MOB1B: variants seen among roughly 807,000 people sequenced by gnomAD.
MOB1B encodes MOB kinase activator 1B, also known as MOB1 Mps One Binder homolog B.
A neutral mutation model predicts 24.4 loss-of-function variants in MOB1B; 19 were observed. That is an observed-to-expected ratio of 0.78 (90% CI 0.54 to 1.14). The LOEUF is 1.14. Among genes scored for constraint, MOB1B ranks in the 50% most tolerant of loss-of-function variants. The pLI, the probability that MOB1B is intolerant of heterozygous loss-of-function variation, is 0.00. For synonymous variants in MOB1B, 76 were observed against 82.1 expected (o/e 0.93, Z 0.40); for missense variants, 243 against 259.6 (o/e 0.94, Z 0.44).
intron 1 of MOB1B, chr4:70,942,776 C>A: frequency 1.4e-6 from 1 of 690,112 alleles, no homozygotes; most frequent in Non-Finnish European, 1.8e-6. Flanking sequence ...AGGTTTTAGC[C>A]CCTCCCTGAA....
At chr4:70,950,171 C>T (rs991880878) in intron 1 of MOB1B, among the ~76,000 whole-genome samples, 2 of 151,984 alleles carry the variant, frequency 1.3e-5, no homozygotes, top group African/African-American at 4.8e-5. Context: ...TGCTGTGGCT[C>T]ACGCCTGTAA....
intron 5 of MOB1B, among the ~76,000 whole-genome samples, chr4:70,980,504 A>G (rs887122315): frequency 1.3e-5 from 2 of 152,172 alleles, no homozygotes. Context: ...ATCTCAGGAC[A>G]CTGTGAGCTT....
chr4:70,935,836 C>T (rs1737060551), intron 1 of MOB1B, among the ~76,000 whole-genome samples: 1 of 143,038 alleles, frequency 7.0e-6, no homozygotes, highest in African/African-American at 2.6e-5. Flanking sequence ...ACCACCATGC[C>T]TGGTACACTA....
chr4:70,976,634 A>C (rs1739007789), intron 4 of MOB1B: 1 of 980,016 alleles, frequency 1.0e-6, no homozygotes, highest in African/African-American at 1.8e-5. Context: ...TTTTTTTGAA[A>C]AAAAAATGTG....
chr4:70,912,922 G>A (rs758877196), intron 1 of MOB1B, among the ~76,000 whole-genome samples: 2 of 152,034 alleles, frequency 1.3e-5, no homozygotes, highest in African/African-American at 2.4e-5. Context: ...TACCACACCC[G>A]GCTAATCATT....
intron 1 of MOB1B, among the ~76,000 whole-genome samples, chr4:70,927,776 C>G (rs1456458143): frequency 6.6e-6 from 1 of 151,996 alleles, no homozygotes; most frequent in African/African-American, 2.4e-5. Flanking sequence ...TCGGTGCACT[C>G]GCTTCCTGTA....
chr4:70,926,653 T>C (rs1323260801), intron 1 of MOB1B, among the ~76,000 whole-genome samples: 1 of 152,126 alleles, frequency 6.6e-6, no homozygotes, highest in Non-Finnish European at 1.5e-5. Context: ...ACCTCCTGTG[T>C]GTAAAAGCGA....
rs940360397 is a variant in MOB1B, at chr4:70,957,278, A to C, written c.15-1596A>C. On this transcript the variant is annotated intron_variant, in intron 1 of 5. Coordinates refer to ENST00000309395, the MANE Select transcript of MOB1B (RefSeq NM_173468.4). ...ATGTCTCAAAAAAAAAAAAAAAAAA[A>C]CAGAAAAAAAAAAGTTCCCACTTCT... 1.0e-4 allele frequency among the ~76,000 whole-genome samples: 15 copies of C among 148,174 alleles called. 1 individual carries two copies. The highest frequency in any genetic ancestry group is 8.4e-4 in the South Asian group (4 of 4,738).
intron 1 of MOB1B, among the ~76,000 whole-genome samples, chr4:70,908,282 C>A (rs1210203288): frequency 6.7e-6 from 1 of 149,810 alleles, no homozygotes; most frequent in Non-Finnish European, 1.5e-5. Context: ...CCTGCCTCGG[C>A]CTCCCAAAGT....
intron 1 of MOB1B, among the ~76,000 whole-genome samples, chr4:70,944,043 A>G (rs549730298): frequency 1.1e-4 from 16 of 152,266 alleles, no homozygotes; most frequent in African/African-American, 3.8e-4. Flanking sequence ...CAACTGCTAG[A>G]TATCTGTAAT....
At chr4:70,935,479 C>T (rs962652099) in intron 1 of MOB1B, among the ~76,000 whole-genome samples, 3 of 152,262 alleles carry the variant, frequency 2.0e-5, no homozygotes, top group African/African-American at 7.2e-5. Context: ...TCTGAAGTCT[C>T]GCCTGTGGAG....
chr4:70,973,673 T>A (rs996638126), intron 3 of MOB1B, among the ~76,000 whole-genome samples: 4 of 152,094 alleles, frequency 2.6e-5, no homozygotes, highest in African/African-American at 9.7e-5. Flanking sequence ...TCAAGAGGTG[T>A]TGGAAAGTAA....
chr4:70,929,579 C>T (rs1257847528), intron 1 of MOB1B, among the ~76,000 whole-genome samples: 1 of 151,990 alleles, frequency 6.6e-6, no homozygotes, highest in African/African-American at 2.4e-5. Flanking sequence ...CTCCTGGGCT[C>T]AGATGATCCT....
rs186213750 is a variant in MOB1B at position 70,987,282 on chromosome 4, A to G, written c.*5225A>G. On this transcript the variant is annotated 3_prime_UTR_variant, in exon 6 of 6. Transcript: ENST00000309395. ...AAATTTCAATATTTAATTTCTCTATATATTATTAATATTAAATTGTTTTTT... is the reference window on the plus strand; with the variant it reads ...AAATTTCAATATTTAATTTCTCTATGTATTATTAATATTAAATTGTTTTTT... 2 of 151,944 alleles carry G rather than the reference A, an allele frequency of 1.3e-5. No homozygotes were observed. Among genetic ancestry groups the G allele is most frequent in the Admixed American group, 6.5e-5 (1 of 15,288 alleles). 9.4% of individuals were successfully genotyped at this position (151,944 alleles called of 1,614,324 possible). A position where few individuals can be genotyped will look rare whatever the true frequency, so the allele number is the denominator to read the frequency against.
intron 1 of MOB1B, among the ~76,000 whole-genome samples, chr4:70,931,023 A>C (rs971720099): frequency 9.0e-5 from 7 of 78,194 alleles, no homozygotes; most frequent in African/African-American, 3.7e-4. Flanking sequence ...CCCAGGTTTG[A>C]TTGCATCTGT....
intron 2 of MOB1B, among the ~76,000 whole-genome samples, chr4:70,964,291 C>G (rs1738427551): frequency 6.6e-6 from 1 of 152,100 alleles, no homozygotes; most frequent in Non-Finnish European, 1.5e-5. Context: ...AGCACATGAC[C>G]TAAGCACCTA....
intron 1 of MOB1B, among the ~76,000 whole-genome samples, chr4:70,907,059 ACAGT>A (rs2148865151): frequency 6.6e-6 from 1 of 152,354 alleles, no homozygotes; most frequent in South Asian, 2.1e-4. Flanking sequence ...ATGGGAGAGT[ACAGT>A]CAGAGGAAAC....
chr4:70,902,217 T>C, upstream of MOB1B: 1 of 504,108 alleles, frequency 2.0e-6, no homozygotes, highest in Non-Finnish European at 3.6e-6. Context: ...AGGGCCGGGG[T>C]GGGCTTGCAC....
chr4:70,925,280 G>T (rs1379012899), intron 1 of MOB1B, among the ~76,000 whole-genome samples: 1 of 152,080 alleles, frequency 6.6e-6, no homozygotes, highest in Non-Finnish European at 1.5e-5. Context: ...CTGGTGATCT[G>T]CCCTCCTCAG....
Sources: allele counts gnomAD v4.1 joint callset (sites outside exome capture counted in the v4.1 genomes callset), GRCh38; gene constraint gnomAD v4.1.1; transcripts MANE v1.5; gene names NCBI Gene and HGNC (gene_info 2026-07-23, HGNC 2026-07-21).